Variants in NCK2 observed in about 807,000 individuals in gnomAD.
NCK2 encodes the protein NCK adaptor protein 2.
A neutral mutation model predicts 33.9 loss-of-function variants in NCK2; 16 were observed. The ratio of observed to expected loss-of-function variants is 0.47; its 90% CI spans 0.32 to 0.72. NCK2 has a LOEUF of 0.72. Among genes scored for constraint, NCK2 ranks in the 30% least tolerant of loss-of-function variants. The pLI, the probability that NCK2 is intolerant of heterozygous loss-of-function variation, is 0.03. For synonymous variants in NCK2, 273 were observed against 239.9 expected, an observed-to-expected ratio of 1.14 and a Z score of -1.27; for missense variants, 418 against 537.3, an observed-to-expected ratio of 0.78 and a Z score of 2.19.
intron 1 of NCK2, among the ~76,000 whole-genome samples, chr2:105,803,374 A>G (rs1674913512): frequency 6.6e-6 from 1 of 152,296 alleles, no homozygotes; most frequent in African/African-American, 2.4e-5. Context: ...TTGAACTCTA[A>G]TTAGGCTGAG....
intron 1 of NCK2, among the ~76,000 whole-genome samples, chr2:105,759,039 AT>A (rs1250917443): frequency 6.6e-6 from 1 of 152,160 alleles, no homozygotes; most frequent in African/African-American, 2.4e-5. Flanking sequence ...TTAATTAGTG[AT>A]AGACTATAAT....
chr2:105,745,639 C>T (rs990932018), intron 1 of NCK2: 1 of 152,240 alleles, frequency 6.6e-6, no homozygotes, highest in African/African-American at 2.4e-5. Flanking sequence ...CGCGATCGGC[C>T]GGGAGAACTT....
chr2:105,823,952 A>G (rs767555984), intron 2 of NCK2, among the ~76,000 whole-genome samples: 3 of 152,020 alleles, frequency 2.0e-5, no homozygotes, highest in South Asian at 2.1e-4. Flanking sequence ...TGAACAACCC[A>G]TGGTCCGGAG....
chr2:105,792,604 T>G (rs926245477), intron 1 of NCK2, among the ~76,000 whole-genome samples: 1 of 147,150 alleles, frequency 6.8e-6, no homozygotes, highest in African/African-American at 2.5e-5. Context: ...AACTCGTTTG[T>G]TTTTTTTTTT....
intron 3 of NCK2, among the ~76,000 whole-genome samples, chr2:105,858,908 G>A (rs1677399340): frequency 1.3e-5 from 2 of 152,186 alleles, no homozygotes; most frequent in South Asian, 4.1e-4. Flanking sequence ...CTCATATTCA[G>A]CTTATGATCA....
rs1690107017 is a variant in NCK2 at position 105,770,718 on chromosome 2, A to T, written c.-201+25580A>T. ...TATTTAGTAATCTGAATTATTTTTC[A>T]TTATTTTAAACTTAAAGATCTTTAA... On this transcript the variant is annotated intron_variant, in intron 1 of 4. Transcript: ENST00000233154. Among the ~76,000 whole-genome samples the T allele has an allele frequency of 2.0e-5, 3 of 152,184 alleles. No homozygotes were observed. In the South Asian group the frequency reaches 6.2e-4, roughly 32 times the overall value.
chr2:105,828,136 C>G (rs1676023569), intron 2 of NCK2, among the ~76,000 whole-genome samples: 1 of 152,056 alleles, frequency 6.6e-6, no homozygotes, highest in Non-Finnish European at 1.5e-5. Context: ...AAGATCAACT[C>G]ATTTCCTCTT....
chr2:105,786,340 G>T (rs1003535305), intron 1 of NCK2, among the ~76,000 whole-genome samples: 3 of 152,230 alleles, frequency 2.0e-5, no homozygotes, highest in African/African-American at 7.2e-5. Flanking sequence ...TGTTCCATTA[G>T]CCCTGGGAAC....
chr2:105,879,346 A>C (rs981001587), intron 3 of NCK2, among the ~76,000 whole-genome samples: 4 of 152,180 alleles, frequency 2.6e-5, no homozygotes, highest in Non-Finnish European at 5.9e-5. Flanking sequence ...TTCTGGACAA[A>C]AAAGTTTGCT....
intron 1 of NCK2, among the ~76,000 whole-genome samples, chr2:105,811,449 A>G (rs1243823420): frequency 2.6e-5 from 4 of 152,204 alleles, no homozygotes; most frequent in Admixed American, 1.3e-4. Context: ...CCTGCCAGCA[A>G]TAACTTAAGC....
At chr2:105,793,246 G>A (rs889658783) in intron 1 of NCK2, among the ~76,000 whole-genome samples, 2 of 151,540 alleles carry the variant, frequency 1.3e-5, no homozygotes, top group Non-Finnish European at 2.9e-5. Flanking sequence ...AGAACTTCTG[G>A]AAACCAGAGT....
chr2:105,837,922 CT>C (rs1234145650), intron 2 of NCK2, among the ~76,000 whole-genome samples: 1 of 152,162 alleles, frequency 6.6e-6, no homozygotes, highest in Non-Finnish European at 1.5e-5. Flanking sequence ...AGTTATTGGT[CT>C]TTTTGTTGTT....
intron 1 of NCK2, among the ~76,000 whole-genome samples, chr2:105,808,177 C>A (rs1675157498): frequency 6.6e-6 from 1 of 152,160 alleles, no homozygotes; most frequent in African/African-American, 2.4e-5. Context: ...GGATTACAGG[C>A]GTGAGCCACT....
intron 3 of NCK2, among the ~76,000 whole-genome samples, chr2:105,859,764 G>A (rs1677440445): frequency 6.6e-6 from 1 of 152,188 alleles, no homozygotes; most frequent in African/African-American, 2.4e-5. Context: ...CAAAAGCAGT[G>A]AAAAGCAACA....
At chr2:105,747,069 G>GT (rs1689312083) in intron 1 of NCK2, among the ~76,000 whole-genome samples, 1 of 152,204 alleles carries the variant, frequency 6.6e-6, no homozygotes, top group Admixed American at 6.5e-5. Flanking sequence ...AACTGACCCT[G>GT]TTAACCGTCG....
intron 1 of NCK2, among the ~76,000 whole-genome samples, chr2:105,783,923 G>A (rs971018028): frequency 6.6e-6 from 1 of 152,170 alleles, no homozygotes. Context: ...GAATTTGCAC[G>A]AGAAAATGAA....
intron 4 of NCK2, among the ~76,000 whole-genome samples, chr2:105,889,683 A>G (rs1678892971): frequency 6.6e-6 from 1 of 151,468 alleles, no homozygotes; most frequent in African/African-American, 2.4e-5. Flanking sequence ...TCCCGGGCTC[A>G]AGTGATCCTC....
At chr2:105,783,299 C>T (rs113202353) in intron 1 of NCK2, among the ~76,000 whole-genome samples, 15 of 152,208 alleles carry the variant, frequency 9.9e-5, no homozygotes, top group African/African-American at 3.4e-4. Context: ...GGGCCCCCAT[C>T]GCCCTCCTCC....
chr2:105,869,770 T>G (rs1164655540), intron 3 of NCK2, among the ~76,000 whole-genome samples: 2 of 152,306 alleles, frequency 1.3e-5, no homozygotes, highest in Admixed American at 6.5e-5. Context: ...GGCTCATGGA[T>G]CTGGTATATG....
Sources: gnomAD v4.1 joint callset for allele counts (sites outside exome capture counted in the v4.1 genomes callset) on GRCh38, gnomAD v4.1.1 for gene constraint, MANE v1.5 for transcripts, NCBI Gene and HGNC (gene_info 2026-07-23, HGNC 2026-07-21) for gene names.